KAZN: variants seen among roughly 807,000 people sequenced by gnomAD.
KAZN encodes kazrin.
A neutral mutation model predicts 87.4 loss-of-function variants in KAZN; 40 were observed. The observed-to-expected ratio is 0.46, with a 90% CI of 0.36 to 0.60. The LOEUF (loss-of-function observed/expected upper bound fraction) is 0.60, where lower values mean the gene tolerates loss of function less well. Ranked by LOEUF, KAZN falls within the 20% of genes least tolerant of loss-of-function variation. The probability of loss-of-function intolerance (pLI) is 0.00; values close to 1 mark genes in which losing one functional copy is unlikely to be tolerated. For missense variants in KAZN, 898 were observed against 1,073.9 expected, an observed-to-expected ratio of 0.84 and a Z score of 2.29; for synonymous variants, 466 against 458.3, an observed-to-expected ratio of 1.02 and a Z score of -0.22.
intron 2 of KAZN, among the ~76,000 whole-genome samples, chr1:14,262,732 T>A (rs1651173634): frequency 6.6e-6 from 1 of 152,252 alleles, no homozygotes. Context: ...CAGGCTTTTC[T>A]GAGAGCCATT....
intron 3 of KAZN, among the ~76,000 whole-genome samples, chr1:15,039,161 G>C (rs1672655349): frequency 6.6e-6 from 1 of 152,210 alleles, no homozygotes; most frequent in Non-Finnish European, 1.5e-5. Context: ...CCGTGCACAG[G>C]CACTGCCCTC....
At chr1:14,584,382 C>T (rs1271991149) in intron 2 of KAZN, among the ~76,000 whole-genome samples, 2 of 152,120 alleles carry the variant, frequency 1.3e-5, no homozygotes, top group African/African-American at 2.4e-5. Flanking sequence ...GGAGAAAGGC[C>T]AGTGGCACAG....
At chr1:14,800,485 G>A (rs1468060675) in intron 1 of KAZN, among the ~76,000 whole-genome samples, 2 of 152,176 alleles carry the variant, frequency 1.3e-5, no homozygotes, top group Non-Finnish European at 2.9e-5. Context: ...AGGATCACTT[G>A]AGCCTAGGAG....
chr1:14,371,852 G>A (rs1660508822), intron 2 of KAZN, among the ~76,000 whole-genome samples: 1 of 152,226 alleles, frequency 6.6e-6, no homozygotes, highest in Non-Finnish European at 1.5e-5. Flanking sequence ...CACTCCTCAT[G>A]AAAGATGTAG....
At chr1:14,414,858 C>CTTG (rs1023947789) in intron 2 of KAZN, among the ~76,000 whole-genome samples, 3 of 152,068 alleles carry the variant, frequency 2.0e-5, no homozygotes, top group African/African-American at 7.2e-5. Flanking sequence ...AACCCCGTCT[C>CTTG]TACTAAAAAA....
At chr1:14,859,068 G>A (rs925767346) in intron 1 of KAZN, among the ~76,000 whole-genome samples, 34 of 152,052 alleles carry the variant, frequency 2.2e-4, no homozygotes, top group African/African-American at 4.8e-4. Flanking sequence ...TTAGCCGGGC[G>A]TGGTGGCGGG....
chr1:14,517,901 G>C (rs1182202125), intron 2 of KAZN, among the ~76,000 whole-genome samples: 1 of 152,182 alleles, frequency 6.6e-6, no homozygotes, highest in Non-Finnish European at 1.5e-5. Flanking sequence ...TTAGCTGTAA[G>C]TGTGTGCTCA....
chr1:14,343,506 GT>G (rs537603545), intron 2 of KAZN, among the ~76,000 whole-genome samples: 9 of 152,286 alleles, frequency 5.9e-5, no homozygotes, highest in Non-Finnish European at 1.3e-4. Flanking sequence ...TGATCATCCA[GT>G]TGTGCAGACT....
chr1:14,338,151 G>C (rs1657406712), intron 2 of KAZN, among the ~76,000 whole-genome samples: 1 of 151,982 alleles, frequency 6.6e-6, no homozygotes. Context: ...GATGGTTTTA[G>C]GAATGACATT....
intron 1 of KAZN, among the ~76,000 whole-genome samples, chr1:14,912,105 A>G (rs1379585578): frequency 6.8e-6 from 1 of 147,012 alleles, no homozygotes; most frequent in East Asian, 2.0e-4. Flanking sequence ...TGATCACACA[A>G]CTGCACTCCA....
chr1:14,984,019 T>A (rs1468528902), intron 2 of KAZN, among the ~76,000 whole-genome samples: 1 of 152,084 alleles, frequency 6.6e-6, no homozygotes, highest in Non-Finnish European at 1.5e-5. Flanking sequence ...TTTATATAGA[T>A]TTGTAGGCAG....
At chr1:14,683,196 C>G (rs937496290) in intron 1 of KAZN, among the ~76,000 whole-genome samples, 3 of 152,128 alleles carry the variant, frequency 2.0e-5, no homozygotes, top group Non-Finnish European at 4.4e-5. Flanking sequence ...GTAGGAACGA[C>G]CCTGATAAAA....
At chr1:14,099,966 CTT>C (rs149203901) in intron 1 of KAZN, among the ~76,000 whole-genome samples, 2,444 of 152,240 alleles carry the variant, frequency 0.016, 74 homozygotes, top group African/African-American at 0.056. Context: ...CCTCCCTTCT[CTT>C]TCTCTCTCTC....
At chr1:14,789,229 C>T (rs958887115) in intron 1 of KAZN, among the ~76,000 whole-genome samples, 1 of 152,170 alleles carries the variant, frequency 6.6e-6, no homozygotes, top group African/African-American at 2.4e-5. Context: ...GGAGGGCTTC[C>T]CAAGGCAAAC....
chr1:14,822,505 G>A (rs1299894678), intron 1 of KAZN, among the ~76,000 whole-genome samples: 1 of 152,208 alleles, frequency 6.6e-6, no homozygotes, highest in African/African-American at 2.4e-5. Context: ...GGGCGTTCAG[G>A]TCTGGGGAGG....
chr1:14,384,156 C>T (rs1036891638), intron 2 of KAZN, among the ~76,000 whole-genome samples: 17 of 149,940 alleles, frequency 1.1e-4, no homozygotes, highest in Non-Finnish European at 2.5e-4. Flanking sequence ...GATTTTTGTA[C>T]ATTGATTTTG....
chr1:14,238,910 A>G (rs1453785759), intron 2 of KAZN, among the ~76,000 whole-genome samples: 1 of 152,232 alleles, frequency 6.6e-6, no homozygotes, highest in African/African-American at 2.4e-5. Flanking sequence ...TTAAATGGCA[A>G]ACACGTTCTT....
rs561199904 is a variant in KAZN at position 14,478,338 on chromosome 1, A to G, written c.250-120645A>G. ...GGATAGAAGGAAGGAAGGAAGGAAGAAAGGATGACAAGTGAATACACAGAT... is the reference window on the plus strand; with the variant it reads ...GGATAGAAGGAAGGAAGGAAGGAAGGAAGGATGACAAGTGAATACACAGAT... On this transcript the variant is annotated intron_variant, in intron 2 of 16. Coordinates refer to the KAZN transcript ENST00000636203. Among the ~76,000 whole-genome samples, 20 of 151,542 alleles carry G rather than the reference A, an allele frequency of 1.3e-4. 1 individual carries two copies. In the South Asian group the frequency reaches 3.1e-3, roughly 24 times the overall value.
At chr1:14,143,924 G>C (rs577171504) in intron 1 of KAZN, among the ~76,000 whole-genome samples, 1 of 152,012 alleles carries the variant, frequency 6.6e-6, no homozygotes, top group Non-Finnish European at 1.5e-5. Flanking sequence ...TACCACGTTG[G>C]CCAGGCTGGT....
Sources: gnomAD v4.1 joint callset for allele counts (sites outside exome capture counted in the v4.1 genomes callset) on GRCh38, gnomAD v4.1.1 for gene constraint, MANE v1.5 for transcripts, NCBI Gene and HGNC (gene_info 2026-07-23, HGNC 2026-07-21) for gene names.